COBL: variants seen among roughly 807,000 people sequenced by gnomAD.
The protein encoded by COBL is cordon-bleu WH2 repeat protein, also known as protein cordon-bleu.
COBL carries 51 observed loss-of-function variants against 98.8 expected under a neutral mutation model. The observed-to-expected ratio is 0.52, with a 90% CI of 0.41 to 0.65. The LOEUF is 0.65. COBL is among the 30% of genes least tolerant of loss of function. The probability of loss-of-function intolerance (pLI) is 0.00; values close to 1 mark genes in which losing one functional copy is unlikely to be tolerated. For synonymous variants in COBL, 634 were observed against 651.7 expected (o/e 0.97, Z 0.41); for missense variants, 1,617 against 1,617.5 (o/e 1.00, Z 0.01).
intron 1 of COBL, among the ~76,000 whole-genome samples, chr7:51,227,098 T>C (rs773061994): frequency 7.9e-5 from 12 of 152,142 alleles, no homozygotes; most frequent in Non-Finnish European, 1.8e-4. Context: ...CCTTGACACA[T>C]ACTAGAACGC....
In COBL at chr7:51,083,093, C is replaced by T. The variant is rs1185122694; in HGVS notation, c.1096+2073G>A. On this transcript the variant is annotated intron_variant, in intron 7 of 12. Coordinates refer to ENST00000265136, the MANE Select transcript of COBL (RefSeq NM_015198.5). ...CGGGTCTGAGGCCTCGGAACCAGCG[C>T]CTTCCCCGGGAAAGCTGAGAGGCTC... 18 of 1,535,430 alleles carry T rather than the reference C, an allele frequency of 1.2e-5. No homozygotes were observed. The Admixed American group carries it at 3.3e-4, about 29-fold the overall frequency.
intron 6 of COBL, among the ~76,000 whole-genome samples, chr7:51,118,419 G>T (rs1410446189): frequency 6.6e-6 from 1 of 151,992 alleles, no homozygotes; most frequent in Admixed American, 6.5e-5. Flanking sequence ...TTCTCTGGCG[G>T]GTTCAAGACT....
intron 7 of COBL, among the ~76,000 whole-genome samples, chr7:51,083,965 G>GA (rs758622487): frequency 6.6e-6 from 1 of 152,104 alleles, no homozygotes; most frequent in Non-Finnish European, 1.5e-5. Flanking sequence ...GTCCATTTAT[G>GA]AAAAATGGGG....
intron 7 of COBL, among the ~76,000 whole-genome samples, chr7:51,066,491 G>A (rs1056175824): frequency 6.6e-6 from 1 of 152,184 alleles, no homozygotes; most frequent in Non-Finnish European, 1.5e-5. Flanking sequence ...GACTGGCAAG[G>A]TTCAAGTCCT....
intron 7 of COBL, among the ~76,000 whole-genome samples, chr7:51,056,657 T>G (rs996270543): frequency 3.0e-4 from 45 of 152,310 alleles, no homozygotes; most frequent in Non-Finnish European, 3.8e-4. Flanking sequence ...ATAAAACATA[T>G]CTTTTAATAT....
intron 2 of COBL, among the ~76,000 whole-genome samples, chr7:51,206,058 G>A (rs1232940582): frequency 6.6e-6 from 1 of 152,158 alleles, no homozygotes; most frequent in Non-Finnish European, 1.5e-5. Flanking sequence ...GTGAGAATGT[G>A]GAGAAAAGGA....
In COBL at chr7:51,056,812, AACACACACACACACACACACAC is replaced by A. The variant is rs3047115; in HGVS notation, c.1097-13142_1097-13121del. 3.9e-3 allele frequency among the ~76,000 whole-genome samples: 556 copies of A among 143,678 alleles called. 6 individuals are homozygous for A. Among genetic ancestry groups the A allele is most frequent in the African/African-American group, 0.014 (528 of 38,916 alleles). The allele number at this position is 143,678 out of a possible 152,430, so 94.3% of individuals were successfully genotyped here. A position where few individuals can be genotyped will look rare whatever the true frequency, so the allele number is the denominator to read the frequency against. On this transcript the variant is annotated intron_variant, in intron 7 of 12. Transcript: ENST00000265136. The stretch of plus-strand genomic sequence containing the variant: ...CTATGCTTGTATACAGTGCTCTCCC[AACACACACACACACACACACAC>A]ACACACACACACACACGGCAAAAAC...
chr7:51,116,272 C>A (rs1262228565), intron 6 of COBL, among the ~76,000 whole-genome samples: 1 of 152,074 alleles, frequency 6.6e-6, no homozygotes, highest in African/African-American at 2.4e-5. Context: ...TCTTACTTTA[C>A]TTTTGGGTTT....
chr7:51,157,565 A>G (rs1027638088), intron 5 of COBL, among the ~76,000 whole-genome samples: 1 of 152,086 alleles, frequency 6.6e-6, no homozygotes, highest in East Asian at 1.9e-4. Flanking sequence ...GCGAGTGTCT[A>G]TGTGGGGAGG....
intron 5 of COBL, among the ~76,000 whole-genome samples, chr7:51,141,971 C>A (rs9691119): frequency 1.3e-3 from 205 of 152,308 alleles, no homozygotes; most frequent in African/African-American, 4.6e-3. Context: ...AGGGCACAGC[C>A]TTCCTGACAG....
intron 1 of COBL, among the ~76,000 whole-genome samples, chr7:51,222,289 A>G (rs1011237128): frequency 6.6e-6 from 1 of 152,200 alleles, no homozygotes; most frequent in Non-Finnish European, 1.5e-5. Flanking sequence ...TATACTTACA[A>G]TATTTATAAT....
intron 6 of COBL, among the ~76,000 whole-genome samples, chr7:51,099,511 G>A (rs956406968): frequency 2.0e-5 from 3 of 152,058 alleles, no homozygotes; most frequent in African/African-American, 4.8e-5. Context: ...ACAAATAATC[G>A]CATAATTCCA....
At chr7:51,315,114 C>T (rs1803413885) in intron 1 of COBL, among the ~76,000 whole-genome samples, 1 of 152,074 alleles carries the variant, frequency 6.6e-6, no homozygotes, top group African/African-American at 2.4e-5. Flanking sequence ...GCTATGAAAG[C>T]CACAGATTTA....
intron 9 of COBL, 132 bp downstream of exon 9, chr7:51,030,680 C>A: frequency 1.5e-6 from 1 of 654,352 alleles, no homozygotes; most frequent in Non-Finnish European, 2.7e-6. Flanking sequence ...AGACTTTCAC[C>A]AAACTGACCT....
intron 1 of COBL, among the ~76,000 whole-genome samples, chr7:51,295,995 AT>A (rs1304301626): frequency 6.6e-6 from 1 of 152,162 alleles, no homozygotes; most frequent in Non-Finnish European, 1.5e-5. Flanking sequence ...CAGCAAAATG[AT>A]TTTCTGAGAA....
intron 6 of COBL, among the ~76,000 whole-genome samples, chr7:51,110,536 A>G (rs1030629189): frequency 3.3e-5 from 5 of 152,074 alleles, no homozygotes; most frequent in African/African-American, 1.2e-4. Context: ...GGTTGATTCC[A>G]TATCTTTATT....
intron 2 of COBL, among the ~76,000 whole-genome samples, chr7:51,209,378 G>A (rs1792182840): frequency 6.6e-6 from 1 of 152,208 alleles, no homozygotes; most frequent in African/African-American, 2.4e-5. Flanking sequence ...CCCCTGGGAA[G>A]TGGGTGCTGG....
At chr7:51,083,035 G>A (rs890688666) in intron 7 of COBL, 21 of 1,534,768 alleles carry the variant, frequency 1.4e-5, no homozygotes, top group East Asian at 2.4e-5. Context: ...TAACACAGTC[G>A]GAATGAAGCA....
At chr7:51,146,800 C>A (rs1302878811) in intron 5 of COBL, among the ~76,000 whole-genome samples, 1 of 152,186 alleles carries the variant, frequency 6.6e-6, no homozygotes, top group Non-Finnish European at 1.5e-5. Context: ...TCCCTCACTT[C>A]TTTCCAACTC....
Sources: allele counts gnomAD v4.1 joint callset (sites outside exome capture counted in the v4.1 genomes callset), GRCh38; gene constraint gnomAD v4.1.1; transcripts MANE v1.5; gene names NCBI Gene and HGNC (gene_info 2026-07-23, HGNC 2026-07-21).